Variants in CMYA5 observed in about 807,000 individuals in gnomAD.
CMYA5 encodes cardiomyopathy-associated protein 5.
Under a neutral mutation model 318.9 loss-of-function variants are expected in CMYA5, and 246 were observed. The observed-to-expected ratio is 0.77, with a 90% CI of 0.70 to 0.86. CMYA5 has a LOEUF of 0.86. Among genes scored for constraint, CMYA5 ranks in the 40% least tolerant of loss-of-function variants. CMYA5 has a pLI of 0.00. For missense variants in CMYA5, 4,589 were observed against 4,678.2 expected, an observed-to-expected ratio of 0.98 and a Z score of 0.56; for synonymous variants, 1,641 against 1,729.5, an observed-to-expected ratio of 0.95 and a Z score of 1.27.
At chr5:79,721,061 TA>T (rs1217926924) in intron 1 of CMYA5, among the ~76,000 whole-genome samples, 1 of 152,176 alleles carries the variant, frequency 6.6e-6, no homozygotes, top group Non-Finnish European at 1.5e-5. Flanking sequence ...TGTCTGGGAA[TA>T]GGTAAAAATA....
intron 1 of CMYA5, among the ~76,000 whole-genome samples, chr5:79,709,706 C>G (rs1450774146): frequency 2.0e-5 from 3 of 151,440 alleles, no homozygotes; most frequent in African/African-American, 7.3e-5. Context: ...GCCTGTAACT[C>G]CAGCACTTTG....
At chr5:79,705,537 C>A (rs908167718) in intron 1 of CMYA5, among the ~76,000 whole-genome samples, 1 of 151,786 alleles carries the variant, frequency 6.6e-6, no homozygotes, top group Non-Finnish European at 1.5e-5. Context: ...TTTTTAAAAA[C>A]CTGCTTCAGA....
rs759333728 is a variant in CMYA5, at chr5:79,729,060, G to C, written c.295G>C (p.Glu99Gln). Residue 99 changes from glutamate (E) to glutamine (Q), a missense_variant, in exon 2 of 13, where the codon GAA (glutamate) becomes CAA (glutamine). By Grantham distance (29) the Glu-to-Gln change is conservative. Transcript: ENST00000446378. ...SSRSSTPWAS[E>Q]ESQTSGVCSR... Reference sequence around the variant, plus strand: ...TAGATCTTCTACTCCTTGGGCTTCAGAAGAAAGTCAGACTTCTGGTGTGTG... The same window carrying C: ...TAGATCTTCTACTCCTTGGGCTTCACAAGAAAGTCAGACTTCTGGTGTGTG... 15 of 1,613,870 alleles carry C rather than the reference G, an allele frequency of 9.3e-6. No homozygotes were observed. Among genetic ancestry groups the C allele is most frequent in the Non-Finnish European group, 1.3e-5 (15 of 1,179,884 alleles).
At position 79,763,071 on chromosome 5, in the gene CMYA5, C is replaced by T. The variant is rs145744122; in HGVS notation, c.11417C>T (p.Thr3806Ile). 5.6e-6 allele frequency: 9 copies of T among 1,613,464 alleles called. No individual in the cohort carries two copies. The highest frequency in any genetic ancestry group is 5.3e-5 in the African/African-American group (4 of 75,032). The change falls in exon 9 of 13, where the codon ACC becomes ATC. Residue 3806 changes from threonine to isoleucine, a missense_variant. Transcript: ENST00000446378. Reference protein sequence around the residue: ...ERAIFRTAPSTPVIRAEDCTV... With the variant: ...ERAIFRTAPSIPVIRAEDCTV... ...GACTCTCTTTCTGCAGCACCCTCCA[C>T]CCCTGTGATCCGCGCTGAGGACTGT...
At chr5:79,702,948 G>T (rs1827200375) in intron 1 of CMYA5, among the ~76,000 whole-genome samples, 1 of 152,144 alleles carries the variant, frequency 6.6e-6, no homozygotes, top group Non-Finnish European at 1.5e-5. Context: ...TCTTTCCTCA[G>T]TAGCTCTCAA....
intron 1 of CMYA5, among the ~76,000 whole-genome samples, chr5:79,695,328 C>T (rs146652168): frequency 1.8e-3 from 271 of 152,260 alleles, no homozygotes; most frequent in African/African-American, 6.3e-3. Context: ...TTTTAAAAAG[C>T]AGAAAGAAAC....
At position 79,771,784 on chromosome 5, in the gene CMYA5, T is replaced by C. The variant is rs188493425; in HGVS notation, c.11555+8575T>C. On this transcript the variant is annotated intron_variant, in intron 9 of 12. Transcript: ENST00000446378. ...AAAGTATGAAATGATGGAGTGAGGG[T>C]ATGGAGTCAGGATTCAAACCCAGGC... is the stretch of plus-strand genomic sequence containing the variant. Among the ~76,000 whole-genome samples the C allele has an allele frequency of 2.7e-3, 410 of 152,144 alleles. 1 individual carries two copies. The highest frequency in any genetic ancestry group is 4.1e-3 in the Non-Finnish European group (280 of 67,994).
chr5:79,790,702 TGGTGCAAGGAGC>T (rs2151100647), intron 10 of CMYA5, among the ~76,000 whole-genome samples: 1 of 152,356 alleles, frequency 6.6e-6, no homozygotes, highest in South Asian at 2.1e-4. Context: ...TAGATGCTGC[TGGTGCAAGGAGC>T]ACACTGCACA....
chr5:79,721,991 A>G (rs1827647584), intron 1 of CMYA5, among the ~76,000 whole-genome samples: 1 of 152,206 alleles, frequency 6.6e-6, no homozygotes, highest in African/African-American at 2.4e-5. Context: ...ACATATATAG[A>G]ACACTGTTGA....
chr5:79,717,907 G>C (rs1381850154), intron 1 of CMYA5, among the ~76,000 whole-genome samples: 5 of 13,014 alleles, frequency 3.8e-4, no homozygotes, highest in African/African-American at 7.4e-4. Flanking sequence ...TTTTTTTTTT[G>C]AGACGGAGTC....
chr5:79,797,805 G>A (rs952289020), intron 12 of CMYA5, among the ~76,000 whole-genome samples: 2 of 152,178 alleles, frequency 1.3e-5, no homozygotes, highest in African/African-American at 4.8e-5. Context: ...AGAGGCCAAT[G>A]GTGATGTTCT....
Position 79,735,130 on chromosome 5 carries a change from C to T in CMYA5, c.6365C>T (p.Pro2122Leu). ...VIDDADEGKK[P>L]SPEVKIPTQR... Reference sequence around the variant, plus strand: ...GATGATGCTGATGAGGGAAAGAAACCATCACCTGAAGTAAAAATACCCACA... The same window carrying T: ...GATGATGCTGATGAGGGAAAGAAACTATCACCTGAAGTAAAAATACCCACA... Residue 2122 changes from proline (P) to leucine (L), a missense_variant, in exon 2 of 13, where the codon CCA (proline) becomes CTA (leucine). Pro to Leu is a moderately conservative substitution (Grantham distance 98, BLOSUM62 -3). Coordinates refer to ENST00000446378, the MANE Select transcript of CMYA5 (RefSeq NM_153610.5). 6.2e-7 allele frequency: 1 copy of T among 1,613,700 alleles called. No homozygotes were observed. Among genetic ancestry groups the T allele is most frequent in the African/African-American group, 1.3e-5 (1 of 74,994 alleles).
chr5:79,789,838 G>A (rs1229045021), intron 10 of CMYA5, among the ~76,000 whole-genome samples: 3 of 152,162 alleles, frequency 2.0e-5, no homozygotes, highest in Non-Finnish European at 4.4e-5. Context: ...TACCAGCCTT[G>A]TTCTGTTTAT....
chr5:79,745,128 T>G, intron 3 of CMYA5, 94 bp from the exon 4 acceptor site: 3 of 750,230 alleles, frequency 4.0e-6, no homozygotes, highest in Non-Finnish European at 6.5e-6. Flanking sequence ...ATGCCAGAGG[T>G]CAATTCTTTA....
chr5:79,761,835 CAG>C lies in CMYA5; in HGVS notation c.11286_11287del (p.Val3763GlufsTer8), dbSNP rs1828657611. 1 of 1,613,290 alleles carries C rather than the reference CAG, an allele frequency of 6.2e-7. No homozygotes were observed. Among genetic ancestry groups the C allele is most frequent in the African/African-American group, 1.3e-5 (1 of 74,906 alleles). ...GAGTTGGTAGAAGAATACAGACTGA[CAG>C]TGAAAGAAAGCTACTGCATTTTTGA... On this transcript the variant is annotated frameshift_variant, in exon 8 of 13. Coordinates refer to ENST00000446378, the MANE Select transcript of CMYA5 (RefSeq NM_153610.5). LOFTEE classifies it high-confidence loss of function.
intron 8 of CMYA5, 57 bp from the exon 9 acceptor site, chr5:79,763,005 G>C (rs1828681321): frequency 3.2e-6 from 5 of 1,559,918 alleles, no homozygotes; most frequent in Non-Finnish European, 2.6e-6. Context: ...GTGCTTCTCA[G>C]GTCCCAGGAA....
rs1561206884 is a variant in CMYA5, at chr5:79,731,161, C to G, written c.2396C>G (p.Ser799Cys). ...TTCACACCGGATTCAAAGTTGATCT[C>G]CAAATATGCAGCCCCACTCAATGCA... ...ERFTPDSKLI[S>C]KYAAPLNATQ... Residue 799 changes from serine (S) to cysteine (C), a missense_variant, in exon 2 of 13, where the codon TCC (serine) becomes TGC (cysteine). Around this residue, in one of 3 missense-constraint regions of CMYA5, gnomAD observed 2,132 missense variants for 2,131.3 expected, o/e 1.00. Transcript: ENST00000446378. The G allele has an allele frequency of 1.2e-6, 2 of 1,613,990 alleles. No individual in the cohort carries two copies. Among genetic ancestry groups the G allele is most frequent in the Admixed American group, 1.7e-5 (1 of 60,018 alleles).
chr5:79,694,699 G>C (rs540489171), intron 1 of CMYA5, among the ~76,000 whole-genome samples: 7 of 152,176 alleles, frequency 4.6e-5, no homozygotes, highest in Non-Finnish European at 8.8e-5. Flanking sequence ...AAGGTGCAAG[G>C]AATTTGTAAA....
intron 1 of CMYA5, among the ~76,000 whole-genome samples, chr5:79,707,957 A>T (rs1580749775): frequency 6.6e-6 from 1 of 152,330 alleles, no homozygotes; most frequent in Middle Eastern, 3.4e-3. Context: ...CACACAGTGG[A>T]TGGGCAAAAG....
Sources: allele counts gnomAD v4.1 joint callset (sites outside exome capture counted in the v4.1 genomes callset), GRCh38; gene constraint gnomAD v4.1.1; regional missense constraint gnomAD v4.1.1; transcripts MANE v1.5; gene names NCBI Gene and HGNC (gene_info 2026-07-23, HGNC 2026-07-21).